The following MAST3 variants were observed in gnomAD, a reference collection of about 807,000 sequenced individuals.
MAST3 encodes the protein microtubule-associated serine/threonine-protein kinase 3.
A neutral mutation model predicts 127.0 loss-of-function variants in MAST3; 43 were observed. The observed-to-expected ratio is 0.34, with a 90% CI of 0.27 to 0.44. The LOEUF is 0.44. MAST3 is among the 20% of genes least tolerant of loss of function. MAST3 has a pLI of 1.00. For missense variants in MAST3, 1,390 were observed against 1,919.1 expected, an observed-to-expected ratio of 0.72 and a Z score of 5.15; for synonymous variants, 785 against 809.2, an observed-to-expected ratio of 0.97 and a Z score of 0.51.
In MAST3 at chr19:18,145,441, A is replaced by C. The variant is rs1340874536; in HGVS notation, c.3039+212A>C. On this transcript the variant is annotated intron_variant, in intron 24 of 27. Coordinates refer to ENST00000687212, the MANE Select transcript of MAST3 (RefSeq NM_001393504.1). The surrounding 1 kb of genome is among the most constrained non-coding windows in gnomAD (Gnocchi z 5.9). Reference sequence around the variant, plus strand: ...TGGAAGCTCACAGATCCCAAGTGGCATTAACCTCCCAGCTCCATATGGGGA... The same window carrying C: ...TGGAAGCTCACAGATCCCAAGTGGCCTTAACCTCCCAGCTCCATATGGGGA... 3.3e-5 allele frequency among the ~76,000 whole-genome samples: 5 copies of C among 152,190 alleles called. No homozygotes were observed. Among genetic ancestry groups the C allele is most frequent in the Admixed American group, 2.6e-4 (4 of 15,286 alleles).
Position 18,124,706 on chromosome 19 carries a change from A to G in MAST3, c.1010A>G (p.Gln337Arg). ...EAAEGHAREG[Q>R]GIKTDLPQYI... ...GCTGAGGGCCATGCGCGGGAGGGCC[A>G]AGGCATTAAGACTGACCTTCCACAG... is the stretch of plus-strand genomic sequence containing the variant. The change falls in exon 11 of 28, where the codon CAA (glutamine) becomes CGA (arginine). Residue 337 changes from glutamine to arginine, a missense_variant. Gln to Arg is a conservative substitution (Grantham distance 43). Transcript: ENST00000687212. The G allele has an allele frequency of 6.2e-7, 1 of 1,612,474 alleles. No individual in the cohort carries two copies. The highest frequency in any genetic ancestry group is 8.5e-7 in the Non-Finnish European group (1 of 1,179,342).
At chr19:18,141,205 C>T (rs1304528519) in intron 20 of MAST3, among the ~76,000 whole-genome samples, 1 of 152,084 alleles carries the variant, frequency 6.6e-6, no homozygotes, top group Admixed American at 6.6e-5. Context: ...GCAGGACTTT[C>T]TAGTCAACAG....
chr19:18,115,583 C>T (rs992988451), intron 3 of MAST3, among the ~76,000 whole-genome samples: 2 of 151,936 alleles, frequency 1.3e-5, no homozygotes, highest in Admixed American at 6.5e-5. Context: ...CACTCCCATA[C>T]TCATCACCAT....
Position 18,144,925 on chromosome 19 carries a change from G to T in MAST3, c.2813-78G>T. 1.1e-6 allele frequency: 1 copy of T among 899,934 alleles called. No homozygotes were observed. Among genetic ancestry groups the T allele is most frequent in the South Asian group, 1.4e-5 (1 of 71,944 alleles). 55.7% of individuals were successfully genotyped at this position (899,934 alleles called of 1,614,324 possible). A position where few individuals can be genotyped will look rare whatever the true frequency, so the allele number is the denominator to read the frequency against. On this transcript the variant is annotated intron_variant, in intron 23 of 27. Transcript: ENST00000687212. The surrounding 1 kb of genome is among the most constrained non-coding windows in gnomAD (Gnocchi z 4.0). ...GAAGCAACAGCAAAGTGGCCAGGGTGGTCGTTGTGGTGGGAAAGAGGGGGC... is the reference window on the plus strand; with the variant it reads ...GAAGCAACAGCAAAGTGGCCAGGGTTGTCGTTGTGGTGGGAAAGAGGGGGC...
chr19:18,135,040 C>T (rs532789737), intron 17 of MAST3, 58 bp downstream of exon 17: 34 of 1,522,686 alleles, frequency 2.2e-5, no homozygotes, highest in Admixed American at 5.9e-5. Context: ...CTCTGGGCAG[C>T]GGTCCTCCAC....
In MAST3 at chr19:18,135,844, A is replaced by C; in HGVS notation, c.1972+3A>C. On this transcript the variant is annotated splice_donor_region_variant and intron_variant, in intron 18 of 27. Transcript: ENST00000687212. ...CCCGCTGGACCGTCTGGGCACTGGT[A>C]TGTAGTGTGGGGGAGAACCCAGGTG... 6.3e-7 allele frequency: 1 copy of C among 1,599,262 alleles called. No individual in the cohort carries two copies. Among genetic ancestry groups the C allele is most frequent in the Non-Finnish European group, 8.5e-7 (1 of 1,172,122 alleles).
intron 1 of MAST3, among the ~76,000 whole-genome samples, chr19:18,104,507 A>T (rs570790115): frequency 1.3e-5 from 2 of 152,142 alleles, no homozygotes; most frequent in African/African-American, 2.4e-5. Flanking sequence ...GTCATCCGGC[A>T]GCCCAGCAGC....
intron 5 of MAST3, among the ~76,000 whole-genome samples, chr19:18,122,428 C>G (rs1260493882): frequency 1.3e-5 from 2 of 149,332 alleles, no homozygotes; most frequent in African/African-American, 5.0e-5. Context: ...AGCTACAGCT[C>G]AGAGGTTGAA....
chr19:18,126,031 C>T (rs1401072249), intron 11 of MAST3, among the ~76,000 whole-genome samples: 1 of 151,920 alleles, frequency 6.6e-6, no homozygotes, highest in African/African-American at 2.4e-5. Context: ...TGTGCTCTAG[C>T]CTGGGTGAAA....
intron 1 of MAST3, among the ~76,000 whole-genome samples, chr19:18,104,022 G>A (rs1257840394): frequency 6.6e-6 from 1 of 151,624 alleles, no homozygotes; most frequent in Admixed American, 6.6e-5. Context: ...GACCAGCCTG[G>A]GCAACATGGT....
At chr19:18,131,246 A>G (rs574627744) in intron 14 of MAST3, among the ~76,000 whole-genome samples, 3 of 151,886 alleles carry the variant, frequency 2.0e-5, no homozygotes, top group South Asian at 2.1e-4. Context: ...CGAAACCCCC[A>G]TTCACGCCTA....
Position 18,115,747 on chromosome 19 carries a change from C to T in MAST3, c.161+5006C>T, listed in dbSNP as rs1375694775. Among the ~76,000 whole-genome samples, 3 of 152,234 alleles carry T rather than the reference C, an allele frequency of 2.0e-5. No homozygotes were observed. In the East Asian group the frequency reaches 5.8e-4, roughly 29 times the overall value. On this transcript the variant is annotated intron_variant, in intron 3 of 27. Transcript: ENST00000687212. ...TTCATTCCTGTCCCCCAGCAGTCTG[C>T]TCCCCATAGCAGACACAAGGGGGTT...
chr19:18,133,607 G>A (rs2041569717), intron 15 of MAST3, among the ~76,000 whole-genome samples: 1 of 138,370 alleles, frequency 7.2e-6, no homozygotes, highest in African/African-American at 2.8e-5. Flanking sequence ...AGGCTGGAGT[G>A]CAGTGGTGCG....
Position 18,134,987 on chromosome 19 carries a change from G to A in MAST3, c.1870+5G>A, listed in dbSNP as rs1237702104. Reference sequence around the variant, plus strand: ...TCTTCGGTCAGGTGGTCAGCGGTGCGTTTCCTCCACGGGCCTGGGTTTGAG... The same window carrying A: ...TCTTCGGTCAGGTGGTCAGCGGTGCATTTCCTCCACGGGCCTGGGTTTGAG... On this transcript the variant is annotated splice_donor_5th_base_variant and intron_variant, in intron 17 of 27. Coordinates refer to ENST00000687212, the MANE Select transcript of MAST3 (RefSeq NM_001393504.1). The A allele has an allele frequency of 5.0e-6, 8 of 1,599,054 alleles. 1 individual carries two copies. The highest frequency in any genetic ancestry group is 6.8e-6 in the Non-Finnish European group (8 of 1,170,160).
intron 1 of MAST3, among the ~76,000 whole-genome samples, chr19:18,106,528 C>T (rs1568546681): frequency 6.6e-6 from 1 of 150,820 alleles, no homozygotes; most frequent in Non-Finnish European, 1.5e-5. Context: ...TGAGCCACCG[C>T]ACTTGGCCCT....
intron 1 of MAST3, among the ~76,000 whole-genome samples, chr19:18,100,461 T>G (rs914662930): frequency 6.6e-6 from 1 of 151,932 alleles, no homozygotes; most frequent in African/African-American, 2.4e-5. Context: ...TTTGAGGCTA[T>G]AGTGAGCCAT....
intron 3 of MAST3, among the ~76,000 whole-genome samples, chr19:18,115,394 C>T (rs1028246994): frequency 6.6e-6 from 1 of 151,844 alleles, no homozygotes; most frequent in Admixed American, 6.6e-5. Context: ...TGGCTGGGGA[C>T]GAGGGGGCAG....
At chr19:18,131,764 G>A (rs2041318787) in intron 14 of MAST3, 145 bp from the exon 15 acceptor site, 4 of 823,624 alleles carry the variant, frequency 4.9e-6, no homozygotes, top group Non-Finnish European at 7.7e-6. Flanking sequence ...CCTCTCCCCC[G>A]ACCCTCCCCG....
chr19:18,145,822 T>C lies in MAST3; in HGVS notation c.3119T>C (p.Val1040Ala), dbSNP rs1461705036. The change falls in exon 25 of 28, where the codon GTG becomes GCG. Residue 1040 changes from valine to alanine, a missense_variant. By Grantham distance (64) the Val-to-Ala change is moderately conservative (BLOSUM62 0). Transcript: ENST00000687212. This position sits in a 1 kb window ranked among gnomAD's most constrained non-coding sequence, Gnocchi z 5.9. ...ATCACCCACATCAACGGGGAGTCAG[T>C]GCTGGGGCTGGTGCACATGGACGTC... Reference protein sequence around the residue: ...DLITHINGESVLGLVHMDVVE... With the variant: ...DLITHINGESALGLVHMDVVE... 2 of 1,598,226 alleles carry C rather than the reference T, an allele frequency of 1.3e-6. No individual in the cohort carries two copies. The highest frequency in any genetic ancestry group is 1.7e-6 in the Non-Finnish European group (2 of 1,174,262).
Sources: allele counts gnomAD v4.1 joint callset (sites outside exome capture counted in the v4.1 genomes callset), GRCh38; gene constraint gnomAD v4.1.1; non-coding constraint Gnocchi (gnomAD v3.1); transcripts MANE v1.5; gene names NCBI Gene and HGNC (gene_info 2026-07-23, HGNC 2026-07-21).